Variants in TRERF1 observed in about 807,000 individuals in gnomAD.
TRERF1 encodes the protein transcriptional regulating factor 1, also known as transcriptional-regulating factor 1.
TRERF1 carries 27 observed loss-of-function variants against 122.9 expected under a neutral mutation model. The observed-to-expected ratio is 0.22, with a 90% confidence interval of 0.16 to 0.30. The LOEUF is 0.30. Among genes scored for constraint, TRERF1 ranks in the 10% least tolerant of loss-of-function variants. The pLI, the probability that TRERF1 is intolerant of heterozygous loss-of-function variation, is 1.00. For synonymous variants in TRERF1, 636 were observed against 641.7 expected (o/e 0.99, Z 0.13); for missense variants, 1,248 against 1,560.3 (o/e 0.80, Z 3.37).
intron 16 of TRERF1, among the ~76,000 whole-genome samples, chr6:42,233,372 G>A (rs899157705): frequency 4.3e-4 from 62 of 142,896 alleles, no homozygotes; most frequent in Non-Finnish European, 7.3e-4. Context: ...TGCAAGCTCC[G>A]CCTCCCAGGT....
intron 2 of TRERF1, among the ~76,000 whole-genome samples, chr6:42,367,662 G>C (rs1773002735): frequency 6.6e-6 from 1 of 152,114 alleles, no homozygotes; most frequent in South Asian, 2.1e-4. Context: ...AAAATGTGTG[G>C]AGCTGCTCTG....
intron 3 of TRERF1, among the ~76,000 whole-genome samples, chr6:42,305,136 G>A (rs955571633): frequency 3.3e-5 from 5 of 152,204 alleles, no homozygotes; most frequent in African/African-American, 9.7e-5. Context: ...TGAGGAAGCC[G>A]AGGTCTGATG....
intron 2 of TRERF1, among the ~76,000 whole-genome samples, chr6:42,370,837 C>T (rs1404703637): frequency 6.6e-6 from 1 of 152,150 alleles, no homozygotes; most frequent in African/African-American, 2.4e-5. Flanking sequence ...CTGAGGTCAC[C>T]CCCTATCAGC....
intron 2 of TRERF1, among the ~76,000 whole-genome samples, chr6:42,424,481 T>C (rs532008498): frequency 1.1e-4 from 17 of 152,300 alleles, no homozygotes; most frequent in African/African-American, 3.6e-4. Context: ...TTTGTTTATA[T>C]ATAACAAGTG....
intron 8 of TRERF1, among the ~76,000 whole-genome samples, chr6:42,260,483 C>CG (rs1424515527): frequency 3.3e-5 from 5 of 152,154 alleles, no homozygotes; most frequent in Non-Finnish European, 7.3e-5. Flanking sequence ...TACATATATA[C>CG]TAATAAGTAA....
At chr6:42,297,463 G>A (rs912054628) in intron 4 of TRERF1, among the ~76,000 whole-genome samples, 1 of 152,138 alleles carries the variant, frequency 6.6e-6, no homozygotes, top group Non-Finnish European at 1.5e-5. Context: ...AGAGCCTAGG[G>A]AGACCCCTCC....
intron 2 of TRERF1, among the ~76,000 whole-genome samples, chr6:42,441,545 G>C (rs1301518838): frequency 1.3e-5 from 2 of 152,144 alleles, no homozygotes; most frequent in African/African-American, 4.8e-5. Context: ...CAAGGCAAGG[G>C]GGAAGAAAAT....
At chr6:42,447,859 C>G (rs1787810676) in intron 2 of TRERF1, among the ~76,000 whole-genome samples, 1 of 152,154 alleles carries the variant, frequency 6.6e-6, no homozygotes, top group African/African-American at 2.4e-5. Context: ...CCCCCACCAT[C>G]ATGCCCAGCT....
At position 42,254,804 on chromosome 6, in the gene TRERF1, A is replaced by G. The variant is rs375514191; in HGVS notation, c.2656+47T>C. On this transcript the variant is annotated intron_variant, in intron 13 of 17. Coordinates refer to ENST00000372922, the Ensembl canonical transcript of TRERF1. ...AAGTGACACAACCGAACATGCAAGC[A>G]GCCCGTCGTCAGGAGGCAACAGGAC... The G allele has an allele frequency of 1.9e-6, 3 of 1,555,914 alleles. No individual in the cohort carries two copies. In the African/African-American group the frequency reaches 4.1e-5, roughly 21 times the overall value.
intron 2 of TRERF1, among the ~76,000 whole-genome samples, chr6:42,384,340 C>T (rs1776435708): frequency 6.6e-6 from 1 of 152,138 alleles, no homozygotes; most frequent in South Asian, 2.1e-4. Context: ...TCCTCTATGT[C>T]ATAATATGGA....
intron 2 of TRERF1, among the ~76,000 whole-genome samples, chr6:42,376,661 G>C (rs1428888040): frequency 6.9e-6 from 1 of 145,840 alleles, no homozygotes; most frequent in African/African-American, 2.6e-5. Flanking sequence ...TCCTTTCTCA[G>C]CCTCCCGAGT....
intron 3 of TRERF1, among the ~76,000 whole-genome samples, chr6:42,348,020 G>A (rs1768658718): frequency 6.6e-6 from 1 of 152,168 alleles, no homozygotes; most frequent in Admixed American, 6.5e-5. Flanking sequence ...ACGCATCTTT[G>A]GCTTGAGTAA....
intron 4 of TRERF1, among the ~76,000 whole-genome samples, chr6:42,270,570 A>G (rs1780035779): frequency 6.6e-6 from 1 of 152,196 alleles, no homozygotes; most frequent in African/African-American, 2.4e-5. Flanking sequence ...CCTGCTCTCA[A>G]GCATGTAGTT....
Position 42,259,837 on chromosome 6 carries a change from C to G in TRERF1, c.1885-114G>C, listed in dbSNP as rs1417561589. On this transcript the variant is annotated intron_variant, in intron 8 of 17. Transcript: ENST00000372922. The surrounding 1 kb of genome is among the most constrained non-coding windows in gnomAD (Gnocchi z 4.9). ...CTAAGCAGAGAGCCCTTCTGCTTGA[C>G]CCCCCCACCCCCAACGCCCCCACAT... is the stretch of plus-strand genomic sequence containing the variant. The G allele has an allele frequency of 9.9e-6, 14 of 1,408,096 alleles. No homozygotes were observed. The Admixed American group carries it at 2.9e-4, about 29-fold the overall frequency. 87.2% of individuals were successfully genotyped at this position (1,408,096 alleles called of 1,614,324 possible). A position where few individuals can be genotyped will look rare whatever the true frequency, so the allele number is the denominator to read the frequency against.
rs188544367 is a variant in TRERF1, at chr6:42,340,112, T to C, written c.-371+22885A>G. 1.2e-4 allele frequency among the ~76,000 whole-genome samples: 18 copies of C among 152,236 alleles called. No individual in the cohort carries two copies. The East Asian group carries it at 3.1e-3, about 26-fold the overall frequency. ...ACAGCAATCAAGTCAAAATCAGAAA[T>C]TGCATAGCAGTTGCCAGTCACAACC... On this transcript the variant is annotated intron_variant, in intron 3 of 17. Transcript: ENST00000372922.
intron 16 of TRERF1, among the ~76,000 whole-genome samples, chr6:42,235,718 C>T (rs557039137): frequency 8.9e-4 from 135 of 152,110 alleles, no homozygotes; most frequent in African/African-American, 1.5e-3. Context: ...AGTGACATTT[C>T]GATTAGTAAC....
rs957563051 is a variant in TRERF1, at chr6:42,298,425, G to A, written c.-259+2213C>T. 5.3e-5 allele frequency among the ~76,000 whole-genome samples: 8 copies of A among 151,808 alleles called. No homozygotes were observed. The East Asian group carries it at 1.6e-3, about 30-fold the overall frequency. On this transcript the variant is annotated intron_variant, in intron 4 of 17. Transcript: ENST00000372922. The stretch of plus-strand genomic sequence containing the variant: ...CCCACCAAGGCCTCCCAAAGTGCTG[G>A]GATTACAGGTATGAGCTATTCCCCC...
At position 42,384,641 on chromosome 6, in the gene TRERF1, A is replaced by T. The variant is rs72857665; in HGVS notation, c.-453-21562T>A. ...ATCAATCAATAGGAAGCAAGCAAAA[A>T]GAAAAAGTTTCTAAGTAACTGATCT... On this transcript the variant is annotated intron_variant, in intron 2 of 17. Transcript: ENST00000372922. Among the ~76,000 whole-genome samples the T allele has an allele frequency of 7.7e-3, 1,166 of 152,340 alleles. 35 individuals are homozygous for T. The East Asian group carries it at 0.11, about 14-fold the overall frequency.
In TRERF1 at chr6:42,317,529, A is replaced by T. The variant is rs562163589; in HGVS notation, c.-370-16780T>A. Reference sequence around the variant, plus strand: ...ACCATTATCCCCGGCTAATTAAAAAATTTTTTATAGAGACAGGGTCTCATT... The same window carrying T: ...ACCATTATCCCCGGCTAATTAAAAATTTTTTTATAGAGACAGGGTCTCATT... On this transcript the variant is annotated intron_variant, in intron 3 of 17. Coordinates refer to ENST00000372922, the Ensembl canonical transcript of TRERF1. 5.7e-4 allele frequency among the ~76,000 whole-genome samples: 87 copies of T among 151,892 alleles called. 1 individual carries two copies. In the East Asian group the frequency reaches 9.4e-3, roughly 16 times the overall value.
Sources: allele counts gnomAD v4.1 joint callset (sites outside exome capture counted in the v4.1 genomes callset), GRCh38; gene constraint gnomAD v4.1.1; non-coding constraint Gnocchi (gnomAD v3.1); transcripts MANE v1.5; gene names NCBI Gene and HGNC (gene_info 2026-07-23, HGNC 2026-07-21).